Variants in PSME4 observed in about 807,000 individuals in gnomAD.
PSME4 encodes the protein proteasome activator subunit 4.
PSME4 carries 89 observed loss-of-function variants against 253.9 expected under a neutral mutation model. The observed-to-expected ratio is 0.35, with a 90% CI of 0.30 to 0.42. The LOEUF (loss-of-function observed/expected upper bound fraction) is 0.42, where lower values mean the gene tolerates loss of function less well. PSME4 is among the 10% of genes least tolerant of loss of function. The pLI is 1.00. For synonymous variants in PSME4, 851 were observed against 759.2 expected (o/e 1.12, Z -1.99); for missense variants, 2,014 against 2,195.2 (o/e 0.92, Z 1.65).
rs1680326343 is a variant in PSME4, at chr2:53,900,088, T to C, written c.3286-71A>G. ...ATACTACCTGAACGAACCTTGAAAA[T>C]GTCATGCTAAGTGAAAGAGGCCAGA... On this transcript the variant is annotated intron_variant, in intron 28 of 46. Coordinates refer to ENST00000404125, the MANE Select transcript of PSME4 (RefSeq NM_014614.3). 8.6e-6 allele frequency: 12 copies of C among 1,390,412 alleles called. 1 individual carries two copies. The South Asian group carries it at 1.4e-4, about 17-fold the overall frequency. 86.1% of individuals were successfully genotyped at this position (1,390,412 alleles called of 1,614,324 possible). A position where few individuals can be genotyped will look rare whatever the true frequency, so the allele number is the denominator to read the frequency against.
At chr2:53,872,730 A>C in intron 43 of PSME4, among the ~76,000 whole-genome samples, 1 of 130,798 alleles carries the variant, frequency 7.6e-6, no homozygotes, top group Non-Finnish European at 1.6e-5. Context: ...CAACAAAGCA[A>C]GACTTGGTCT....
intron 1 of PSME4, among the ~76,000 whole-genome samples, chr2:53,968,584 C>T (rs929626248): frequency 1.3e-5 from 2 of 152,148 alleles, no homozygotes; most frequent in African/African-American, 2.4e-5. Context: ...ACAACATGTC[C>T]CACCGCATTC....
intron 20 of PSME4, 57 bp downstream of exon 20, chr2:53,919,094 A>G: frequency 6.7e-7 from 1 of 1,503,392 alleles, no homozygotes; most frequent in Non-Finnish European, 9.1e-7. Flanking sequence ...CCAATAACTC[A>G]TTAAGTGACT....
At chr2:53,896,717 G>C (rs1680153814) in intron 32 of PSME4, 87 bp downstream of exon 32, 3 of 955,722 alleles carry the variant, frequency 3.1e-6, no homozygotes, top group Non-Finnish European at 5.0e-6. Flanking sequence ...AACAATATTT[G>C]AGGTCAAGAA....
rs1200122933 is a variant in PSME4 at position 53,887,525 on chromosome 2, G to A, written c.4521-58C>T. 6.9e-6 allele frequency: 10 copies of A among 1,453,148 alleles called. No individual in the cohort carries two copies. In the South Asian group the frequency reaches 1.1e-4, roughly 16 times the overall value. 90.0% of individuals were successfully genotyped at this position (1,453,148 alleles called of 1,614,324 possible). On this transcript the variant is annotated intron_variant, in intron 39 of 46. Coordinates refer to ENST00000404125, the MANE Select transcript of PSME4 (RefSeq NM_014614.3). ...GTGCCACATTATAAATAAAAATGAG[G>A]TTCAAAAGTTATGACCCAATCAAAG...
At chr2:53,948,345 A>G (rs564220643) in intron 3 of PSME4, 76 bp downstream of exon 3, 6 of 873,154 alleles carry the variant, frequency 6.9e-6, no homozygotes, top group African/African-American at 1.7e-5. Flanking sequence ...AAACAACTCA[A>G]TATTTTTCAA....
intron 43 of PSME4, among the ~76,000 whole-genome samples, chr2:53,873,170 G>A (rs1678968035): frequency 1.3e-5 from 2 of 149,946 alleles, no homozygotes; most frequent in South Asian, 2.1e-4. Flanking sequence ...GAACCCAGGA[G>A]GCGGAGCTTG....
intron 1 of PSME4, among the ~76,000 whole-genome samples, chr2:53,960,416 A>T (rs1156381501): frequency 1.3e-5 from 2 of 151,078 alleles, no homozygotes; most frequent in Admixed American, 6.6e-5. Context: ...AAAAAAAAAA[A>T]GGCACAGGAG....
intron 3 of PSME4, among the ~76,000 whole-genome samples, chr2:53,940,928 A>ATAT (rs397715475): frequency 1.3e-5 from 1 of 76,942 alleles, no homozygotes; most frequent in African/African-American, 4.1e-5. Context: ...ATATATATAT[A>ATAT]ATACATATAT....
intron 1 of PSME4, among the ~76,000 whole-genome samples, chr2:53,960,556 T>G (rs895824761): frequency 6.6e-6 from 1 of 152,194 alleles, no homozygotes; most frequent in African/African-American, 2.4e-5. Context: ...GATATAACAT[T>G]TATTGATTTC....
chr2:53,903,470 C>G (rs1267368692), intron 27 of PSME4, among the ~76,000 whole-genome samples: 1 of 152,168 alleles, frequency 6.6e-6, no homozygotes, highest in Admixed American at 6.5e-5. Context: ...ATTACCTATA[C>G]TTTATTACAT....
At chr2:53,952,325 GAGGTCA>G (rs1437836291) in intron 1 of PSME4, among the ~76,000 whole-genome samples, 8 of 152,094 alleles carry the variant, frequency 5.3e-5, no homozygotes, top group Non-Finnish European at 1.0e-4. Context: ...GACGGATCAC[GAGGTCA>G]AGAGATGGAG....
intron 1 of PSME4, among the ~76,000 whole-genome samples, chr2:53,950,075 G>C (rs35424963): frequency 1.6e-3 from 247 of 152,232 alleles, no homozygotes; most frequent in Non-Finnish European, 2.8e-3. Flanking sequence ...AGGAGTTCAA[G>C]ACCAGCCTGG....
chr2:53,893,617 C>G lies in PSME4; in HGVS notation c.4038+57G>C, dbSNP rs1299519419. The G allele has an allele frequency of 8.8e-6, 14 of 1,584,932 alleles. No individual in the cohort carries two copies. The Admixed American group carries it at 1.1e-4, about 12-fold the overall frequency. ...GATCAAATATTTATAAGTTATGAAC[C>G]TACGAACTGAATAGTTACTAAGCAT... is the stretch of plus-strand genomic sequence containing the variant. On this transcript the variant is annotated intron_variant, in intron 35 of 46. Transcript: ENST00000404125.
At chr2:53,967,723 C>A (rs1331416465) in intron 1 of PSME4, among the ~76,000 whole-genome samples, 1 of 142,568 alleles carries the variant, frequency 7.0e-6, no homozygotes, top group Non-Finnish European at 1.5e-5. Context: ...ACCTTCCAAA[C>A]CAGAACTTGG....
At chr2:53,893,641 A>T in intron 35 of PSME4, 33 bp downstream of exon 35, 3 of 1,599,816 alleles carry the variant, frequency 1.9e-6, no homozygotes, top group Non-Finnish European at 2.6e-6. Flanking sequence ...GTTACTAAGC[A>T]TTACAAAGAG....
chr2:53,941,338 G>C (rs1406293622), intron 3 of PSME4, among the ~76,000 whole-genome samples: 2 of 149,802 alleles, frequency 1.3e-5, no homozygotes, highest in African/African-American at 4.9e-5. Context: ...CCATCAATAA[G>C]CACTGTCTCT....
At chr2:53,892,746 G>A in intron 36 of PSME4, 62 bp downstream of exon 36, 1 of 1,496,168 alleles carries the variant, frequency 6.7e-7, no homozygotes, top group East Asian at 2.3e-5. Context: ...GTTGGGAATT[G>A]CCACCAAAAT....
chr2:53,910,084 G>C lies in PSME4; in HGVS notation c.2563C>G (p.Leu855Val), dbSNP rs775074222. Residue 855 changes from leucine (L) to valine (V), a missense_variant, in exon 21 of 47, where the codon CTT becomes GTT. Coordinates refer to ENST00000404125, the MANE Select transcript of PSME4 (RefSeq NM_014614.3). ...SLEETKLYTG[L>V]EYDLSRENHR... Reference sequence around the variant, plus strand: ...ATTAGGATTCACATACCATATTCAAGTCCAGTATACAACTTTGTCTCTTCC... The same window carrying C: ...ATTAGGATTCACATACCATATTCAACTCCAGTATACAACTTTGTCTCTTCC... The C allele has an allele frequency of 1.2e-5, 20 of 1,606,012 alleles. No homozygotes were observed. The East Asian group carries it at 4.5e-4, about 36-fold the overall frequency.
Sources: allele counts gnomAD v4.1 joint callset (sites outside exome capture counted in the v4.1 genomes callset), GRCh38; gene constraint gnomAD v4.1.1; transcripts MANE v1.5; gene names NCBI Gene and HGNC (gene_info 2026-07-23, HGNC 2026-07-21).